The following PTBP3 variants were observed in gnomAD, a reference collection of about 807,000 sequenced individuals.
PTBP3 encodes polypyrimidine tract binding protein 3.
A neutral mutation model predicts 58.7 loss-of-function variants in PTBP3; 20 were observed. The observed-to-expected ratio is 0.34, with a 90% confidence interval of 0.24 to 0.50. The LOEUF (loss-of-function observed/expected upper bound fraction) is 0.50. Among genes scored for constraint, PTBP3 ranks in the 20% least tolerant of loss-of-function variants. The probability of loss-of-function intolerance (pLI) is 0.98; values close to 1 mark genes in which losing one functional copy is unlikely to be tolerated. For missense variants in PTBP3, 509 were observed against 637.2 expected, an observed-to-expected ratio of 0.80 and a Z score of 2.17; for synonymous variants, 185 against 219.8, an observed-to-expected ratio of 0.84 and a Z score of 1.40.
intron 2 of PTBP3, among the ~76,000 whole-genome samples, chr9:112,289,149 G>C (rs1210021713): frequency 6.6e-6 from 1 of 152,142 alleles, no homozygotes; most frequent in Non-Finnish European, 1.5e-5. Flanking sequence ...TTTCCCTTAA[G>C]TGTCTTTATA....
At chr9:112,292,169 C>A (rs1828463048) in intron 2 of PTBP3, among the ~76,000 whole-genome samples, 1 of 151,998 alleles carries the variant, frequency 6.6e-6, no homozygotes, top group African/African-American at 2.4e-5. Context: ...CCAACAAGCA[C>A]AAGAAAAGAT....
Position 112,220,364 on chromosome 9 carries a change from G to GGCTGCAGTGT in PTBP3, c.*3486_*3487insACACTGCAGC. 1 of 1,250,030 alleles carries GGCTGCAGTGT rather than the reference G, an allele frequency of 8.0e-7. No individual in the cohort carries two copies. Among genetic ancestry groups the GGCTGCAGTGT allele is most frequent in the Non-Finnish European group, 1.0e-6 (1 of 970,280 alleles). 77.4% of individuals were successfully genotyped at this position (1,250,030 alleles called of 1,614,324 possible). The stretch of plus-strand genomic sequence containing the variant: ...GGAGAATCACTTGAGCCCAGGAGTT[G>GGCTGCAGTGT]GCGAGACCCCTAAAAATAAAATAAA... On this transcript the variant is annotated 3_prime_UTR_variant, in exon 14 of 14. Transcript: ENST00000374257.
the PTBP3 span, among the ~76,000 whole-genome samples, chr9:112,346,496 A>G: frequency 6.6e-6 from 1 of 152,170 alleles, no homozygotes; most frequent in African/African-American, 2.4e-5. Flanking sequence ...TGTAGGACAC[A>G]GGAGGCATTT....
the PTBP3 span, among the ~76,000 whole-genome samples, chr9:112,368,947 C>G: frequency 1.3e-5 from 2 of 152,186 alleles, no homozygotes; most frequent in Non-Finnish European, 2.9e-5. Context: ...TAAAAGGGGC[C>G]AATGTACAGC....
At chr9:112,244,027 C>A (rs1037931953) in intron 7 of PTBP3, among the ~76,000 whole-genome samples, 1 of 151,906 alleles carries the variant, frequency 6.6e-6, no homozygotes, top group Non-Finnish European at 1.5e-5. Context: ...AATAGCAGGG[C>A]ACAGTGGCTC....
At chr9:112,317,246 A>AAAAAAAAAG (rs1222437980) in intron 1 of PTBP3, among the ~76,000 whole-genome samples, 9 of 151,482 alleles carry the variant, frequency 5.9e-5, no homozygotes, top group Non-Finnish European at 1.2e-4. Flanking sequence ...CCCCATATCC[A>AAAAAAAAAG]AAAAAAAAGA....
chr9:112,313,987 A>G (rs796117432), intron 1 of PTBP3, among the ~76,000 whole-genome samples: 10 of 152,372 alleles, frequency 6.6e-5, no homozygotes, highest in African/African-American at 2.2e-4. Context: ...CATGTGCCAA[A>G]TACTACCTTA....
chr9:112,366,165 C>G, the PTBP3 span, among the ~76,000 whole-genome samples: 1 of 152,030 alleles, frequency 6.6e-6, no homozygotes, highest in Middle Eastern at 3.2e-3. Flanking sequence ...TGCCTGTAGT[C>G]CCAGCTACTC....
At position 112,219,372 on chromosome 9, in the gene PTBP3, A is replaced by G. The variant is rs1834729108; in HGVS notation, c.*4479T>C. 6.6e-6 allele frequency: 1 copy of G among 152,436 alleles called. No homozygotes were observed. Among genetic ancestry groups the G allele is most frequent in the African/African-American group, 2.4e-5 (1 of 41,468 alleles). The allele number at this position is 152,436 out of a possible 1,614,324, so 9.4% of individuals were successfully genotyped here. ...AAATATTTGTTATTACAACTACTAC[A>G]TAGATCCAAGAAGTGAAAATAATAC... On this transcript the variant is annotated 3_prime_UTR_variant, in exon 14 of 14. Transcript: ENST00000374257.
At chr9:112,260,399 C>T (rs945204556) in intron 5 of PTBP3, among the ~76,000 whole-genome samples, 1 of 152,220 alleles carries the variant, frequency 6.6e-6, no homozygotes, top group Non-Finnish European at 1.5e-5. Context: ...CAAACTACCT[C>T]TAGACCCTGT....
intron 1 of PTBP3, among the ~76,000 whole-genome samples, chr9:112,331,699 A>AC (rs145367534): frequency 3.5e-4 from 53 of 152,364 alleles, no homozygotes; most frequent in African/African-American, 1.2e-3. Context: ...AAATGAACTT[A>AC]CCTTCCAGTC....
intron 1 of PTBP3, among the ~76,000 whole-genome samples, chr9:112,306,604 A>ATATAT (rs1341386115): frequency 1.7e-4 from 18 of 104,024 alleles, no homozygotes; most frequent in South Asian, 5.6e-4. Flanking sequence ...ATATATATAT[A>ATATAT]TTTTTGTTTG....
At chr9:112,309,080 T>C (rs1829360378) in intron 1 of PTBP3, among the ~76,000 whole-genome samples, 1 of 152,232 alleles carries the variant, frequency 6.6e-6, no homozygotes, top group Non-Finnish European at 1.5e-5. Context: ...TTAAACTTCA[T>C]GTATCTAAAA....
chr9:112,368,633 A>G, the PTBP3 span, among the ~76,000 whole-genome samples: 576 of 152,184 alleles, frequency 3.8e-3, 9 homozygotes, highest in South Asian at 0.044. Context: ...GGGCCTTCCC[A>G]TTATAATTTC....
At chr9:112,249,159 CAAGAG>C (rs1836002971) in intron 7 of PTBP3, among the ~76,000 whole-genome samples, 1 of 151,886 alleles carries the variant, frequency 6.6e-6, no homozygotes, top group African/African-American at 2.4e-5. Flanking sequence ...AACAGAAAAG[CAAGAG>C]AATAATTATC....
chr9:112,312,856 C>T (rs1829548039), intron 1 of PTBP3, among the ~76,000 whole-genome samples: 1 of 151,932 alleles, frequency 6.6e-6, no homozygotes, highest in Non-Finnish European at 1.5e-5. Flanking sequence ...CCAGCCCAGG[C>T]AACATGGCGA....
At chr9:112,274,710 G>C (rs10817309) in intron 3 of PTBP3, among the ~76,000 whole-genome samples, 8,583 of 152,202 alleles carry the variant, frequency 0.056, 703 homozygotes, top group African/African-American at 0.18. Context: ...GACTTTTTGA[G>C]AGGACATTAT....
intron 2 of PTBP3, among the ~76,000 whole-genome samples, chr9:112,296,152 T>C (rs1310224548): frequency 6.6e-6 from 1 of 152,162 alleles, no homozygotes; most frequent in East Asian, 1.9e-4. Context: ...GATGAAATAA[T>C]TTAAAGCTGA....
At chr9:112,265,689 TA>T (rs759271163) in intron 4 of PTBP3, among the ~76,000 whole-genome samples, 5 of 152,110 alleles carry the variant, frequency 3.3e-5, no homozygotes, top group African/African-American at 4.8e-5. Flanking sequence ...AAGCAGAACG[TA>T]TAAGCATGTT....
Sources: allele counts gnomAD v4.1 joint callset (sites outside exome capture counted in the v4.1 genomes callset), GRCh38; gene constraint gnomAD v4.1.1; transcripts MANE v1.5; gene names NCBI Gene and HGNC (gene_info 2026-07-23, HGNC 2026-07-21).